The following FSTL4 variants were observed in gnomAD, a reference collection of about 807,000 sequenced individuals.
FSTL4 encodes the protein follistatin-related protein 4.
In FSTL4, 28 loss-of-function variants were observed where a neutral mutation model predicts 78.2. The ratio of observed to expected loss-of-function variants is 0.36; its 90% CI spans 0.27 to 0.49. FSTL4 has a LOEUF of 0.49. FSTL4 is among the 20% of genes least tolerant of loss of function. The pLI is 0.98. For synonymous variants in FSTL4, 422 were observed against 440.5 expected, an observed-to-expected ratio of 0.96 and a Z score of 0.53; for missense variants, 922 against 1,084.9, an observed-to-expected ratio of 0.85 and a Z score of 2.11.
the FSTL4 span, among the ~76,000 whole-genome samples, chr5:133,684,927 G>A: frequency 3.3e-5 from 5 of 152,190 alleles, no homozygotes; most frequent in South Asian, 4.1e-4. Flanking sequence ...AAGCTCCAGG[G>A]ATTGAGATGT....
At chr5:133,246,554 C>T (rs1188101405) in intron 7 of FSTL4, 1 of 152,244 alleles carries the variant, frequency 6.6e-6, no homozygotes, top group Non-Finnish European at 1.5e-5. Context: ...TCCAACAGCT[C>T]ACCCGAAGCT....
intron 3 of FSTL4, among the ~76,000 whole-genome samples, chr5:133,482,792 G>T (rs1758055924): frequency 6.6e-6 from 1 of 152,136 alleles, no homozygotes; most frequent in African/African-American, 2.4e-5. Flanking sequence ...GTACAAATTG[G>T]CAGGAGGGAA....
the FSTL4 span, among the ~76,000 whole-genome samples, chr5:133,752,037 C>T: frequency 6.6e-6 from 1 of 152,188 alleles, no homozygotes. Context: ...GTGCAAGCCC[C>T]GCCCTTCCAG....
At chr5:133,733,788 G>T in the FSTL4 span, among the ~76,000 whole-genome samples, 3 of 152,226 alleles carry the variant, frequency 2.0e-5, no homozygotes, top group Admixed American at 2.0e-4. Flanking sequence ...AGTCACAGTG[G>T]CTTGGGTCTC....
intron 3 of FSTL4, among the ~76,000 whole-genome samples, chr5:133,501,842 G>A (rs1758504243): frequency 6.6e-6 from 1 of 152,188 alleles, no homozygotes; most frequent in African/African-American, 2.4e-5. Flanking sequence ...ATATAATCAA[G>A]TAAAGATGAG....
chr5:133,621,061 G>C, the FSTL4 span, among the ~76,000 whole-genome samples: 1 of 152,104 alleles, frequency 6.6e-6, no homozygotes, highest in Non-Finnish European at 1.5e-5. Context: ...AGAAACTGTC[G>C]TATATATACA....
intron 15 of FSTL4, among the ~76,000 whole-genome samples, chr5:133,201,481 C>T (rs1750317892): frequency 1.3e-5 from 2 of 152,154 alleles, no homozygotes; most frequent in Admixed American, 1.3e-4. Context: ...CAAGACTTGG[C>T]TTTACATTTA....
At chr5:133,541,984 C>A (rs1291681395) in intron 3 of FSTL4, among the ~76,000 whole-genome samples, 2 of 148,278 alleles carry the variant, frequency 1.3e-5, no homozygotes, top group Non-Finnish European at 3.0e-5. Flanking sequence ...ACTGATACTT[C>A]CAACTCCCAT....
intron 3 of FSTL4, among the ~76,000 whole-genome samples, chr5:133,493,855 G>T (rs1381956461): frequency 2.0e-5 from 3 of 152,186 alleles, no homozygotes; most frequent in Non-Finnish European, 4.4e-5. Flanking sequence ...GAGGGGTCCA[G>T]GGTCAACTCA....
chr5:133,723,420 C>T, the FSTL4 span, among the ~76,000 whole-genome samples: 2 of 152,130 alleles, frequency 1.3e-5, no homozygotes, highest in African/African-American at 4.8e-5. Flanking sequence ...GGATGAGGTA[C>T]CACACAGTGG....
At chr5:133,352,299 CACAT>C (rs750813165) in intron 4 of FSTL4, among the ~76,000 whole-genome samples, 3,052 of 141,126 alleles carry the variant, frequency 0.022, 126 homozygotes, top group African/African-American at 0.079. Flanking sequence ...TATATACACA[CACAT>C]ATATATATAC....
chr5:133,293,106 A>T (rs1753305964), intron 6 of FSTL4, among the ~76,000 whole-genome samples: 1 of 152,346 alleles, frequency 6.6e-6, no homozygotes, highest in East Asian at 1.9e-4. Flanking sequence ...CCATCTCCAC[A>T]GGGCCTGACC....
chr5:133,444,401 G>A (rs988151083), intron 3 of FSTL4, among the ~76,000 whole-genome samples: 2 of 152,188 alleles, frequency 1.3e-5, no homozygotes, highest in Non-Finnish European at 2.9e-5. Flanking sequence ...ACCCTGCCTG[G>A]CAGTGCCCGG....
intron 1 of FSTL4, among the ~76,000 whole-genome samples, 179 bp from the exon 2 acceptor site, chr5:133,604,172 A>C (rs1020023082): frequency 1.3e-5 from 2 of 152,226 alleles, no homozygotes; most frequent in Non-Finnish European, 2.9e-5. Flanking sequence ...CTTATTTCTA[A>C]AATGGCAATA....
chr5:133,438,167 CT>C (rs1757075261), intron 3 of FSTL4, among the ~76,000 whole-genome samples: 1 of 152,186 alleles, frequency 6.6e-6, no homozygotes, highest in African/African-American at 2.4e-5. Flanking sequence ...TATATCTGAA[CT>C]CTTGCATATC....
At chr5:133,245,995 C>T (rs17166444) in intron 7 of FSTL4, among the ~76,000 whole-genome samples, 66,258 of 152,068 alleles carry the variant, frequency 0.44, 19,098 homozygotes, top group African/African-American at 0.8. Context: ...TTGTTGCTCA[C>T]GAAAGCTTCT....
chr5:133,312,814 T>A, intron 5 of FSTL4, 37 bp from the exon 6 acceptor site: 2 of 1,611,910 alleles, frequency 1.2e-6, no homozygotes, highest in South Asian at 2.2e-5. Context: ...CAGAATCAGA[T>A]GAGTTTAGAG....
intron 2 of FSTL4, among the ~76,000 whole-genome samples, chr5:133,573,847 C>T (rs1561474192): frequency 6.6e-6 from 1 of 152,128 alleles, no homozygotes; most frequent in Non-Finnish European, 1.5e-5. Context: ...ATCATGGCAA[C>T]CTCATGGAAA....
chr5:133,709,890 A>C, the FSTL4 span, among the ~76,000 whole-genome samples: 5 of 152,222 alleles, frequency 3.3e-5, no homozygotes. Context: ...GCTCTGACAC[A>C]TCTCTGTAAA....
Sources: gnomAD v4.1 joint callset for allele counts (sites outside exome capture counted in the v4.1 genomes callset) on GRCh38, gnomAD v4.1.1 for gene constraint, MANE v1.5 for transcripts, NCBI Gene and HGNC (gene_info 2026-07-23, HGNC 2026-07-21) for gene names.